PGBD5: variants seen among roughly 807,000 people sequenced by gnomAD.
The protein encoded by PGBD5 is piggyBac transposable element-derived protein 5.
A neutral mutation model predicts 47.9 loss-of-function variants in PGBD5; 14 were observed. The observed-to-expected ratio is 0.29, with a 90% CI of 0.19 to 0.46. PGBD5 has a LOEUF of 0.46. PGBD5 is among the 20% of genes least tolerant of loss of function. The pLI is 1.00. For synonymous variants in PGBD5, 316 were observed against 306.3 expected (o/e 1.03, Z -0.33); for missense variants, 635 against 716.0 (o/e 0.89, Z 1.29).
intron 1 of PGBD5, among the ~76,000 whole-genome samples, chr1:230,384,107 G>A (rs1656580490): frequency 6.6e-6 from 1 of 152,138 alleles, no homozygotes; most frequent in Non-Finnish European, 1.5e-5. Context: ...TTCTTTGGGG[G>A]AATACTTTTT....
At chr1:230,382,503 CCT>C (rs1230516522) in intron 1 of PGBD5, among the ~76,000 whole-genome samples, 1 of 152,146 alleles carries the variant, frequency 6.6e-6, no homozygotes. Context: ...GCTGGCCACC[CCT>C]GATCTCAGGG....
At chr1:230,352,197 C>T (rs1344555461) in intron 2 of PGBD5, among the ~76,000 whole-genome samples, 1 of 152,192 alleles carries the variant, frequency 6.6e-6, no homozygotes, top group Non-Finnish European at 1.5e-5. Flanking sequence ...TAAATATTGT[C>T]TGTGGTTGCT....
intron 5 of PGBD5, 95 bp downstream of exon 5, chr1:230,332,749 C>A: frequency 1.4e-6 from 2 of 1,432,070 alleles, no homozygotes; most frequent in Non-Finnish European, 1.9e-6. Context: ...GCAGCACAGC[C>A]CACAGTGGAC....
chr1:230,411,103 C>T (rs945448372), intron 1 of PGBD5, among the ~76,000 whole-genome samples: 2 of 151,980 alleles, frequency 1.3e-5, no homozygotes, highest in Non-Finnish European at 2.9e-5. Context: ...ATAGCAAGAC[C>T]CTGTCTACAA....
chr1:230,404,629 A>T (rs12743023), intron 1 of PGBD5, among the ~76,000 whole-genome samples: 13,374 of 107,084 alleles, frequency 0.12, 1,114 homozygotes, highest in East Asian at 0.28. Context: ...AAAAAAAAAA[A>T]ATATATATAT....
At position 230,357,261 on chromosome 1, in the gene PGBD5, G is replaced by C. The variant is rs575422476; in HGVS notation, c.392C>G (p.Pro131Arg). The C allele has an allele frequency of 6.2e-7, 1 of 1,614,146 alleles. No individual in the cohort carries two copies. The highest frequency in any genetic ancestry group is 1.1e-5 in the South Asian group (1 of 91,086). The change falls in exon 2 of 7, where the codon CCA (proline) becomes CGA (arginine). Residue 131 changes from proline (P) to arginine (R), a missense_variant. Physicochemically the swap from Pro to Arg is moderately radical, Grantham distance 103. Transcript: ENST00000391860. The surrounding 1 kb of genome is among the most constrained non-coding windows in gnomAD (Gnocchi z 5.7). Reference sequence around the variant, plus strand: ...CACCATGTTCTTGAGGACGTTGTCTGGGACAAAGAGCTGGAAGAAGTCCAC... The same window carrying C: ...CACCATGTTCTTGAGGACGTTGTCTCGGACAAAGAGCTGGAAGAAGTCCAC... Reference protein sequence around the residue: ...SAVDFFQLFVPDNVLKNMVVQ... With the variant: ...SAVDFFQLFVRDNVLKNMVVQ...
Position 230,349,439 on chromosome 1 carries a change from G to A in PGBD5, c.894+1519C>T, listed in dbSNP as rs866269102. Among the ~76,000 whole-genome samples, 4 of 150,496 alleles carry A rather than the reference G, an allele frequency of 2.7e-5. No individual in the cohort carries two copies. The South Asian group carries it at 8.5e-4, about 32-fold the overall frequency. On this transcript the variant is annotated intron_variant, in intron 3 of 6. Transcript: ENST00000391860. ...GATCCCAGCTACTTGAGAGGCTGAG[G>A]TGACCAGATCACTTGAGCCTGGGAA...
At chr1:230,371,193 C>T (rs1667923271) in intron 1 of PGBD5, among the ~76,000 whole-genome samples, 1 of 152,242 alleles carries the variant, frequency 6.6e-6, no homozygotes, top group South Asian at 2.1e-4. Flanking sequence ...AAAAGCTATT[C>T]TAATTTTGCC....
chr1:230,392,906 A>T (rs1193888634), intron 1 of PGBD5, among the ~76,000 whole-genome samples: 1 of 151,844 alleles, frequency 6.6e-6, no homozygotes, highest in Non-Finnish European at 1.5e-5. Flanking sequence ...GCAGGAGCAG[A>T]CAGCTCTCCA....
At chr1:230,372,737 C>T (rs946864659) in intron 1 of PGBD5, among the ~76,000 whole-genome samples, 6 of 152,212 alleles carry the variant, frequency 3.9e-5, no homozygotes, top group Non-Finnish European at 5.9e-5. Context: ...ACCCTCGTCG[C>T]GCCATGGACT....
chr1:230,397,774 C>G (rs1315434008), intron 1 of PGBD5, among the ~76,000 whole-genome samples: 3 of 152,332 alleles, frequency 2.0e-5, no homozygotes, highest in African/African-American at 7.2e-5. Flanking sequence ...TCGGCAGGCT[C>G]AGAGCTTCTG....
chr1:230,394,838 CCTCT>C (rs367982512), intron 1 of PGBD5, among the ~76,000 whole-genome samples: 69 of 120,418 alleles, frequency 5.7e-4, no homozygotes, highest in African/African-American at 2.2e-3. Flanking sequence ...TCCCCGAGCT[CCTCT>C]CTCACTCCCT....
chr1:230,379,358 C>G (rs183948369), intron 1 of PGBD5, among the ~76,000 whole-genome samples: 1 of 152,308 alleles, frequency 6.6e-6, no homozygotes, highest in Admixed American at 6.5e-5. Context: ...TCCCATCTGC[C>G]CATTCCAGGA....
chr1:230,413,323 A>G (rs1306135489), intron 1 of PGBD5, among the ~76,000 whole-genome samples: 1 of 152,012 alleles, frequency 6.6e-6, no homozygotes, highest in East Asian at 1.9e-4. Flanking sequence ...GATATTCTGG[A>G]GCTGTTAGGG....
intron 3 of PGBD5, among the ~76,000 whole-genome samples, chr1:230,341,789 G>GAGCTACA (rs1410454820): frequency 6.6e-6 from 1 of 152,170 alleles, no homozygotes; most frequent in African/African-American, 2.4e-5. Context: ...AGACACTTCT[G>GAGCTACA]AGCTACAAGA....
At chr1:230,391,315 T>G (rs1656781170) in intron 1 of PGBD5, among the ~76,000 whole-genome samples, 1 of 152,196 alleles carries the variant, frequency 6.6e-6, no homozygotes, top group Non-Finnish European at 1.5e-5. Context: ...ATTCAGAAAT[T>G]GCGCATGGGA....
chr1:230,326,314 A>G (rs1667117377), intron 5 of PGBD5, among the ~76,000 whole-genome samples: 1 of 152,186 alleles, frequency 6.6e-6, no homozygotes. Flanking sequence ...GCTACTCAGG[A>G]GCCTGAGGCA....
intron 1 of PGBD5, among the ~76,000 whole-genome samples, chr1:230,379,640 C>T (rs1031372630): frequency 3.9e-5 from 6 of 152,208 alleles, no homozygotes; most frequent in African/African-American, 1.4e-4. Context: ...GGTCATCTTC[C>T]ACACACTCAT....
rs71733326 is a variant in PGBD5 at position 230,347,476 on chromosome 1, C to CTT, written c.894+3480_894+3481dup. Reference sequence around the variant, plus strand: ...ACAGCAATCATTTTCATTTTCTTTTCTTTTTTTTTTTTTTTTTTTTGAGAT... The same window carrying CTT: ...ACAGCAATCATTTTCATTTTCTTTTCTTTTTTTTTTTTTTTTTTTTTTGAGAT... On this transcript the variant is annotated intron_variant, in intron 3 of 6. Transcript: ENST00000391860. Among the ~76,000 whole-genome samples, 1,056 of 113,370 alleles carry CTT rather than the reference C, an allele frequency of 9.3e-3. 30 individuals carry two copies. The highest frequency in any genetic ancestry group is 0.014 in the Non-Finnish European group (768 of 55,930). 74.4% of individuals were successfully genotyped at this position (113,370 alleles called of 152,430 possible).
Sources: allele counts gnomAD v4.1 joint callset (sites outside exome capture counted in the v4.1 genomes callset), GRCh38; gene constraint gnomAD v4.1.1; non-coding constraint Gnocchi (gnomAD v3.1); transcripts MANE v1.5; gene names NCBI Gene and HGNC (gene_info 2026-07-23, HGNC 2026-07-21).